Variants in RBPMS observed in about 807,000 individuals in gnomAD.
RBPMS encodes RNA-binding protein with multiple splicing.
RBPMS carries 7 observed loss-of-function variants against 26.8 expected under a neutral mutation model. That is an observed-to-expected ratio of 0.26 (90% CI 0.15 to 0.49). The LOEUF (loss-of-function observed/expected upper bound fraction) is 0.49, where lower values mean the gene tolerates loss of function less well. RBPMS is among the 20% of genes least tolerant of loss of function. The pLI is 0.98. For synonymous variants in RBPMS, 96 were observed against 93.3 expected, an observed-to-expected ratio of 1.03 and a Z score of -0.17; for missense variants, 186 against 250.0, an observed-to-expected ratio of 0.74 and a Z score of 1.73.
intron 8 of RBPMS, among the ~76,000 whole-genome samples, chr8:30,570,319 A>C (rs533433611): frequency 3.3e-5 from 5 of 152,314 alleles, no homozygotes; most frequent in Non-Finnish European, 4.4e-5. Flanking sequence ...CTTTTCTACA[A>C]CTTCTCAAAC....
intron 3 of RBPMS, among the ~76,000 whole-genome samples, chr8:30,478,698 C>A (rs1476454597): frequency 1.3e-5 from 2 of 152,126 alleles, no homozygotes; most frequent in Non-Finnish European, 2.9e-5. Context: ...CAGGGTTTCA[C>A]CATGTTGGCC....
intron 7 of RBPMS, among the ~76,000 whole-genome samples, chr8:30,560,651 T>G (rs1289219125): frequency 1.3e-5 from 2 of 152,170 alleles, no homozygotes; most frequent in East Asian, 3.8e-4. Context: ...AGTACACAAA[T>G]CCTTCCAAGG....
chr8:30,505,718 C>T (rs997195002), intron 5 of RBPMS, among the ~76,000 whole-genome samples: 1 of 152,058 alleles, frequency 6.6e-6, no homozygotes, highest in Non-Finnish European at 1.5e-5. Flanking sequence ...TAGTATCTAG[C>T]TTAATACTTT....
chr8:30,493,250 G>A (rs1819584841), intron 4 of RBPMS, among the ~76,000 whole-genome samples: 1 of 152,164 alleles, frequency 6.6e-6, no homozygotes, highest in Admixed American at 6.5e-5. Context: ...ACTGAATTGA[G>A]AGCTATTGCC....
chr8:30,533,005 G>GT (rs146683558), intron 5 of RBPMS, among the ~76,000 whole-genome samples: 19 of 152,328 alleles, frequency 1.2e-4, no homozygotes, highest in African/African-American at 4.3e-4. Context: ...CAGGTGCTCA[G>GT]TGTTTGTTGA....
At chr8:30,546,446 A>G (rs1825873872) in intron 6 of RBPMS, among the ~76,000 whole-genome samples, 1 of 152,208 alleles carries the variant, frequency 6.6e-6, no homozygotes, top group Admixed American at 6.5e-5. Flanking sequence ...GAGATACGGT[A>G]TGGTAAGAGA....
intron 5 of RBPMS, among the ~76,000 whole-genome samples, chr8:30,537,885 G>A (rs1304564522): frequency 2.0e-5 from 3 of 152,230 alleles, no homozygotes; most frequent in Admixed American, 6.5e-5. Flanking sequence ...GACATGGGAA[G>A]TGATGGAGGC....
At chr8:30,556,384 G>C (rs1006243176) in intron 6 of RBPMS, 1 of 985,602 alleles carries the variant, frequency 1.0e-6, no homozygotes, top group South Asian at 4.7e-5. Flanking sequence ...GTGCGAGTGA[G>C]AACGTGAGGG....
intron 7 of RBPMS, among the ~76,000 whole-genome samples, chr8:30,560,250 G>A (rs1167692752): frequency 1.3e-5 from 2 of 152,222 alleles, no homozygotes; most frequent in African/African-American, 4.8e-5. Flanking sequence ...GCTGAGTGTG[G>A]ACTTCATGTT....
chr8:30,419,849 A>G (rs185210384), intron 1 of RBPMS, among the ~76,000 whole-genome samples: 2 of 152,284 alleles, frequency 1.3e-5, no homozygotes, highest in African/African-American at 4.8e-5. Flanking sequence ...ACACATAATA[A>G]AAAACAGATA....
At chr8:30,510,613 G>A (rs1406807171) in intron 5 of RBPMS, among the ~76,000 whole-genome samples, 1 of 151,878 alleles carries the variant, frequency 6.6e-6, no homozygotes, top group African/African-American at 2.4e-5. Context: ...GGCAGGGTTT[G>A]GCTCTGTCTC....
intron 5 of RBPMS, among the ~76,000 whole-genome samples, chr8:30,527,444 C>T (rs745865292): frequency 1.2e-4 from 18 of 152,236 alleles, no homozygotes; most frequent in Non-Finnish European, 1.9e-4. Flanking sequence ...CATCTCTTTT[C>T]ATAAATTCTC....
intron 1 of RBPMS, among the ~76,000 whole-genome samples, chr8:30,444,046 A>G (rs1310836880): frequency 1.3e-5 from 2 of 152,108 alleles, no homozygotes; most frequent in African/African-American, 4.8e-5. Context: ...ACAGGGGGGC[A>G]CCACCATGCC....
chr8:30,489,803 TTTTTGTTTTG>T (rs1021136082), intron 4 of RBPMS, among the ~76,000 whole-genome samples: 4 of 150,768 alleles, frequency 2.7e-5, no homozygotes, highest in African/African-American at 9.9e-5. Context: ...ATACTGGTGT[TTTTTGTTTTG>T]TTTTGTTTTG....
At chr8:30,508,334 A>T (rs1821262936) in intron 5 of RBPMS, among the ~76,000 whole-genome samples, 1 of 152,214 alleles carries the variant, frequency 6.6e-6, no homozygotes, top group Non-Finnish European at 1.5e-5. Flanking sequence ...TCACTATGGC[A>T]GCCCTAGAAA....
chr8:30,547,537 G>A lies in RBPMS; in HGVS notation c.528+2913G>A, dbSNP rs990879125. On this transcript the variant is annotated intron_variant, in intron 6 of 8. Coordinates refer to ENST00000397323, the MANE Select transcript of RBPMS (RefSeq NM_001008710.3). ...AAAATGAACTCAAGTAGACTGCAGCGTTTTGTTTTCATGGTGATGCAATTT... is the reference window on the plus strand; with the variant it reads ...AAAATGAACTCAAGTAGACTGCAGCATTTTGTTTTCATGGTGATGCAATTT... 17 of 1,457,958 alleles carry A rather than the reference G, an allele frequency of 1.2e-5. No homozygotes were observed. In the Admixed American group the frequency reaches 1.2e-4, roughly 10 times the overall value. The allele number at this position is 1,457,958 out of a possible 1,614,324, so 90.3% of individuals were successfully genotyped here.
intron 1 of RBPMS, among the ~76,000 whole-genome samples, chr8:30,465,139 G>T (rs548179418): frequency 1.3e-5 from 2 of 152,258 alleles, no homozygotes; most frequent in Admixed American, 1.3e-4. Flanking sequence ...CCTTTATAAG[G>T]AACTTCTTGT....
At position 30,457,583 on chromosome 8, in the gene RBPMS, CTTTTTTTTTTTTTTTT is replaced by C. The variant is rs77253053; in HGVS notation, c.67-17184_67-17169del. ...TAAGTTTTAGAATTTGATTTACATT[CTTTTTTTTTTTTTTTT>C]TTTTTTTTTTTGAGATGGAGTCTTG... On this transcript the variant is annotated intron_variant, in intron 1 of 8. Transcript: ENST00000397323. Among the ~76,000 whole-genome samples, 589 of 132,730 alleles carry C rather than the reference CTTTTTTTTTTTTTTTT, an allele frequency of 4.4e-3. 5 individuals carry two copies. Among genetic ancestry groups the C allele is most frequent in the Non-Finnish European group, 5.9e-3 (377 of 63,778 alleles). 87.1% of individuals were successfully genotyped at this position (132,730 alleles called of 152,430 possible).
chr8:30,539,906 G>A (rs946879125), intron 5 of RBPMS, among the ~76,000 whole-genome samples: 6 of 152,144 alleles, frequency 3.9e-5, no homozygotes, highest in African/African-American at 1.2e-4. Context: ...GATTACAGGC[G>A]TAAACCACTG....
Sources: gnomAD v4.1 joint callset for allele counts (sites outside exome capture counted in the v4.1 genomes callset) on GRCh38, gnomAD v4.1.1 for gene constraint, MANE v1.5 for transcripts, NCBI Gene and HGNC (gene_info 2026-07-23, HGNC 2026-07-21) for gene names.